The following EPHA5 variants were observed in gnomAD, a reference collection of about 807,000 sequenced individuals.
The protein encoded by EPHA5 is ephrin type-A receptor 5.
A neutral mutation model predicts 105.0 loss-of-function variants in EPHA5; 60 were observed. The observed-to-expected ratio is 0.57, with a 90% confidence interval of 0.46 to 0.71. The LOEUF (loss-of-function observed/expected upper bound fraction) is 0.71. Ranked by LOEUF, EPHA5 falls within the 30% of genes least tolerant of loss-of-function variation. The pLI, the probability that EPHA5 is intolerant of heterozygous loss-of-function variation, is 0.00. For synonymous variants in EPHA5, 513 were observed against 449.1 expected, an observed-to-expected ratio of 1.14 and a Z score of -1.80; for missense variants, 1,218 against 1,274.7, an observed-to-expected ratio of 0.96 and a Z score of 0.68.
At chr4:65,608,494 A>G (rs1744456300) in intron 2 of EPHA5, among the ~76,000 whole-genome samples, 1 of 151,002 alleles carries the variant, frequency 6.6e-6, no homozygotes. Flanking sequence ...ACAGAGCGAG[A>G]CTCCATCTCA....
At chr4:65,492,769 T>C (rs917850864) in intron 4 of EPHA5, among the ~76,000 whole-genome samples, 2 of 152,266 alleles carry the variant, frequency 1.3e-5, no homozygotes, top group South Asian at 2.1e-4. Context: ...TGTGTCTTTA[T>C]AGTAGAATGA....
intron 8 of EPHA5, among the ~76,000 whole-genome samples, chr4:65,368,634 C>A (rs1255826309): frequency 1.3e-5 from 2 of 152,142 alleles, no homozygotes; most frequent in South Asian, 2.1e-4. Context: ...TAACTCCTTT[C>A]CTAAACTCTA....
At chr4:65,614,591 T>A (rs1245208131) in intron 2 of EPHA5, among the ~76,000 whole-genome samples, 1 of 151,828 alleles carries the variant, frequency 6.6e-6, no homozygotes, top group East Asian at 1.9e-4. Context: ...TATCACAAGC[T>A]CTTAATAATA....
At chr4:65,598,139 A>G (rs145765281) in intron 3 of EPHA5, among the ~76,000 whole-genome samples, 1,919 of 152,260 alleles carry the variant, frequency 0.013, 43 homozygotes, top group African/African-American at 0.043. Context: ...ATTAAATGTC[A>G]TCATGTAATA....
At chr4:65,436,404 G>T (rs972131388) in intron 5 of EPHA5, among the ~76,000 whole-genome samples, 4 of 151,662 alleles carry the variant, frequency 2.6e-5, no homozygotes, top group East Asian at 1.9e-4. Context: ...ACAATTTCTC[G>T]AGACACTCAT....
chr4:65,541,943 A>C (rs1736878074), intron 3 of EPHA5, among the ~76,000 whole-genome samples: 1 of 152,070 alleles, frequency 6.6e-6, no homozygotes, highest in Non-Finnish European at 1.5e-5. Context: ...AAACTCAATC[A>C]AAACCACACG....
chr4:65,476,921 T>A (rs1277493005), intron 5 of EPHA5, among the ~76,000 whole-genome samples: 4 of 152,200 alleles, frequency 2.6e-5, no homozygotes, highest in South Asian at 4.1e-4. Context: ...CAACAAAAAA[T>A]TGATGTAAAA....
chr4:65,650,179 TATC>T (rs1311847951), intron 1 of EPHA5, among the ~76,000 whole-genome samples: 2 of 152,254 alleles, frequency 1.3e-5, no homozygotes, highest in Middle Eastern at 3.4e-3. Context: ...ATGAACAAAG[TATC>T]TTCTCTATAC....
chr4:65,651,069 AG>A (rs1296703421), intron 1 of EPHA5, among the ~76,000 whole-genome samples: 1 of 152,200 alleles, frequency 6.6e-6, no homozygotes, highest in East Asian at 1.9e-4. Flanking sequence ...CTGCAAAGGA[AG>A]GGAATTTAGG....
intron 3 of EPHA5, among the ~76,000 whole-genome samples, chr4:65,581,284 C>T (rs1741593816): frequency 6.6e-6 from 1 of 151,698 alleles, no homozygotes; most frequent in African/African-American, 2.4e-5. Flanking sequence ...GTCTTTTTCA[C>T]GTATACATGA....
intron 3 of EPHA5, among the ~76,000 whole-genome samples, chr4:65,510,356 CT>C (rs879502377): frequency 1.3e-4 from 19 of 151,942 alleles, no homozygotes; most frequent in African/African-American, 2.7e-4. Context: ...ATACATACTT[CT>C]GTTAGCAAGA....
intron 3 of EPHA5, among the ~76,000 whole-genome samples, chr4:65,587,850 G>A (rs1479907454): frequency 6.6e-6 from 1 of 152,066 alleles, no homozygotes; most frequent in African/African-American, 2.4e-5. Context: ...TCTCTCTTCT[G>A]TAAAGACAAC....
chr4:65,319,619 A>G lies in EPHA5; in HGVS notation c.*4495T>C, dbSNP rs1469981455. 3.7e-5 allele frequency: 8 copies of G among 215,912 alleles called. No individual in the cohort carries two copies. The East Asian group carries it at 5.5e-4, about 15-fold the overall frequency. The allele number at this position is 215,912 out of a possible 1,614,324, so 13.4% of individuals were successfully genotyped here. On this transcript the variant is annotated 3_prime_UTR_variant, in exon 17 of 17. Coordinates refer to ENST00000613740, the MANE Select transcript of EPHA5 (RefSeq NM_001281766.3). ...AAAAATATAAAATTTCATATCTTAC[A>G]CTACAAAAAGCATGTACACAAACCA...
chr4:65,564,697 C>A (rs760828150), intron 3 of EPHA5, among the ~76,000 whole-genome samples: 2 of 151,512 alleles, frequency 1.3e-5, no homozygotes, highest in Non-Finnish European at 3.0e-5. Context: ...AACTTCCCAA[C>A]GTTACAAGGG....
At chr4:65,488,815 G>T (rs1731124162) in intron 5 of EPHA5, among the ~76,000 whole-genome samples, 1 of 151,362 alleles carries the variant, frequency 6.6e-6, no homozygotes, top group African/African-American at 2.4e-5. Context: ...CACAATCTGG[G>T]CTAATTTTGA....
chr4:65,542,306 G>GA (rs756475031), intron 3 of EPHA5, among the ~76,000 whole-genome samples: 9 of 151,460 alleles, frequency 5.9e-5, no homozygotes, highest in Non-Finnish European at 7.4e-5. Flanking sequence ...GCTGGTTTTT[G>GA]AAAAAATTAA....
At chr4:65,328,809 A>C (rs1186715674) in intron 16 of EPHA5, among the ~76,000 whole-genome samples, 1 of 151,094 alleles carries the variant, frequency 6.6e-6, no homozygotes, top group African/African-American at 2.4e-5. Context: ...GACTGTAGGT[A>C]CTCCTATGTG....
chr4:65,411,272 C>T (rs1722883404), intron 7 of EPHA5, among the ~76,000 whole-genome samples: 1 of 151,870 alleles, frequency 6.6e-6, no homozygotes, highest in African/African-American at 2.4e-5. Flanking sequence ...CTACTGTTTG[C>T]ATTTCTCTTT....
In EPHA5 at chr4:65,351,529, A is replaced by T. The variant is rs1232544378; in HGVS notation, c.2305T>A (p.Tyr769Asn). ...TGCACATAGCCCATGTCAGAAAGGT[A>T]CTTCATTCCTGCAGAGATACCTCTC... Reference protein sequence around the residue: ...MLRGISAGMKYLSDMGYVHRD... With the variant: ...MLRGISAGMKNLSDMGYVHRD... The change falls in exon 13 of 17, where the codon TAC (tyrosine) becomes AAC (asparagine). Residue 769 changes from tyrosine to asparagine, a missense_variant. Transcript: ENST00000613740. The T allele has an allele frequency of 6.2e-7, 1 of 1,613,752 alleles. No homozygotes were observed. The highest frequency in any genetic ancestry group is 8.5e-7 in the Non-Finnish European group (1 of 1,179,792).
Sources: allele counts gnomAD v4.1 joint callset (sites outside exome capture counted in the v4.1 genomes callset), GRCh38; gene constraint gnomAD v4.1.1; transcripts MANE v1.5; gene names NCBI Gene and HGNC (gene_info 2026-07-23, HGNC 2026-07-21).